Variants in ATL2 observed in about 807,000 individuals in gnomAD.
ATL2 encodes the protein atlastin GTPase 2.
In ATL2, 31 loss-of-function variants were observed where a neutral mutation model predicts 73.9. The ratio of observed to expected loss-of-function variants is 0.42; its 90% confidence interval spans 0.32 to 0.57. The LOEUF is 0.57. ATL2 is among the 20% of genes least tolerant of loss of function. The pLI is 0.14. For missense variants in ATL2, 738 were observed against 702.6 expected, an observed-to-expected ratio of 1.05 and a Z score of -0.57; for synonymous variants, 291 against 237.5, an observed-to-expected ratio of 1.23 and a Z score of -2.07.
chr2:38,333,961 G>C (rs1669149270), intron 2 of ATL2, among the ~76,000 whole-genome samples: 1 of 151,122 alleles, frequency 6.6e-6, no homozygotes, highest in Non-Finnish European at 1.5e-5. Context: ...CAAAATCAAA[G>C]TCTCAGCAGC....
intron 1 of ATL2, among the ~76,000 whole-genome samples, chr2:38,374,229 G>C (rs1280718690): frequency 6.6e-6 from 1 of 152,184 alleles, no homozygotes; most frequent in East Asian, 1.9e-4. Context: ...AAGCCCTCGA[G>C]TGTTGTGTAT....
intron 1 of ATL2, among the ~76,000 whole-genome samples, chr2:38,351,146 A>G (rs755398462): frequency 6.9e-6 from 1 of 144,928 alleles, no homozygotes; most frequent in Non-Finnish European, 1.5e-5. Flanking sequence ...TATTCAGTCT[A>G]CTTATAAAAA....
At chr2:38,369,891 C>T (rs182681726) in intron 1 of ATL2, among the ~76,000 whole-genome samples, 2 of 151,948 alleles carry the variant, frequency 1.3e-5, no homozygotes, top group Admixed American at 1.3e-4. Flanking sequence ...GTGGCTCACG[C>T]CAGTAATCCC....
chr2:38,301,886 C>T lies in ATL2; in HGVS notation c.1072-1558G>A, dbSNP rs372315038. Among the ~76,000 whole-genome samples the T allele has an allele frequency of 2.8e-4, 42 of 152,254 alleles. No individual in the cohort carries two copies. The East Asian group carries it at 6.2e-3, about 22-fold the overall frequency. On this transcript the variant is annotated intron_variant, in intron 9 of 12. Transcript: ENST00000378954. ...GACTGCTAGTGTCACTCCCCCTACACAAGCTCAGGCAGTGTAGTTCACAGC... is the reference window on the plus strand; with the variant it reads ...GACTGCTAGTGTCACTCCCCCTACATAAGCTCAGGCAGTGTAGTTCACAGC...
intron 1 of ATL2, among the ~76,000 whole-genome samples, 199 bp downstream of exon 1, chr2:38,376,944 G>C (rs1307886371): frequency 6.6e-6 from 1 of 151,008 alleles, no homozygotes; most frequent in Non-Finnish European, 1.5e-5. Flanking sequence ...CGCGGCCCAC[G>C]AGCCGCCCTT....
chr2:38,357,651 C>CA (rs1212548216), intron 1 of ATL2, among the ~76,000 whole-genome samples: 22,314 of 65,682 alleles, frequency 0.34, 3,780 homozygotes, highest in South Asian at 0.4. Context: ...GACTCCGTCT[C>CA]AAAAAAAAAA....
intron 9 of ATL2, among the ~76,000 whole-genome samples, chr2:38,306,390 C>T (rs1044284691): frequency 6.6e-6 from 1 of 152,176 alleles, no homozygotes; most frequent in Non-Finnish European, 1.5e-5. Context: ...ACCAATACTA[C>T]AAGGCCAGTA....
chr2:38,294,962 A>G lies in ATL2; in HGVS notation c.*1032T>C, dbSNP rs1233119418. On this transcript the variant is annotated 3_prime_UTR_variant, in exon 13 of 13. Transcript: ENST00000378954. ...ATAACTTTAAAATGCAACAGAGGAC[A>G]AAGTCACAATAAACATTCCCATTGA... 1.4e-5 allele frequency: 2 copies of G among 142,686 alleles called. No individual in the cohort carries two copies. The highest frequency in any genetic ancestry group is 5.1e-5 in the African/African-American group (2 of 39,228). 8.8% of individuals were successfully genotyped at this position (142,686 alleles called of 1,614,324 possible).
intron 1 of ATL2, among the ~76,000 whole-genome samples, chr2:38,346,007 A>AT (rs1445008166): frequency 1.3e-5 from 2 of 152,158 alleles, no homozygotes; most frequent in African/African-American, 4.8e-5. Flanking sequence ...AGAAGCTTTT[A>AT]TTTTCCCCTT....
upstream of ATL2, among the ~76,000 whole-genome samples, chr2:38,377,807 T>C (rs575365639): frequency 6.8e-6 from 1 of 146,606 alleles, no homozygotes; most frequent in Admixed American, 6.8e-5. Context: ...GTGCCCTGCT[T>C]TTCCTCTTGA....
At chr2:38,327,345 G>A (rs1668721273) in intron 2 of ATL2, among the ~76,000 whole-genome samples, 1 of 152,000 alleles carries the variant, frequency 6.6e-6, no homozygotes, top group African/African-American at 2.4e-5. Flanking sequence ...TAAGGTAACT[G>A]CACTATCCAT....
intron 1 of ATL2, among the ~76,000 whole-genome samples, chr2:38,368,643 A>G (rs546671468): frequency 6.6e-6 from 1 of 152,376 alleles, no homozygotes; most frequent in South Asian, 2.1e-4. Flanking sequence ...ATTTAAGAAA[A>G]ACATGAAAGA....
intron 1 of ATL2, 52 bp from the exon 2 acceptor site, chr2:38,343,564 T>G (rs1669854046): frequency 6.4e-7 from 1 of 1,552,514 alleles, no homozygotes; most frequent in Non-Finnish European, 8.8e-7. Flanking sequence ...TATTACGAAC[T>G]TTCATTAAGG....
chr2:38,304,044 A>C (rs912547877), intron 9 of ATL2, among the ~76,000 whole-genome samples: 2 of 152,166 alleles, frequency 1.3e-5, no homozygotes, highest in African/African-American at 4.8e-5. Context: ...TGGGAGGATC[A>C]CTTGAGGCCA....
chr2:38,296,530 C>T (rs1437401391), intron 12 of ATL2: 1 of 1,614,018 alleles, frequency 6.2e-7, no homozygotes, highest in East Asian at 2.2e-5. Flanking sequence ...TGTCGCTGTG[C>T]TGATGAAAGA....
At chr2:38,329,851 G>A (rs1668880368) in intron 2 of ATL2, among the ~76,000 whole-genome samples, 1 of 151,972 alleles carries the variant, frequency 6.6e-6, no homozygotes, top group South Asian at 2.1e-4. Flanking sequence ...AAAATCAGCT[G>A]GGCATGGTGG....
In ATL2 at chr2:38,313,235, C is replaced by T; in HGVS notation, c.720G>A (p.Met240Ile). ...GATAGCTCCAATCTCGAATCAAAAA[C>T]ATTAATGTCTATACACAGAAAAAAT... ...EIYQKPFQTL[M>I]FLIRDWSYPY... is the part of the protein sequence containing the mutation. The change falls in exon 7 of 13, where the codon ATG (methionine) becomes ATA (isoleucine). Residue 240 changes from methionine (M) to isoleucine (I), a missense_variant. Coordinates refer to ENST00000378954, the MANE Select transcript of ATL2 (RefSeq NM_001135673.4). The T allele has an allele frequency of 6.2e-7, 1 of 1,608,290 alleles. No homozygotes were observed. Among genetic ancestry groups the T allele is most frequent in the Non-Finnish European group, 8.5e-7 (1 of 1,176,746 alleles).
Position 38,330,617 on chromosome 2 carries a change from A to G in ATL2, c.364-11598T>C, listed in dbSNP as rs59548589. 7.7e-3 allele frequency among the ~76,000 whole-genome samples: 1,174 copies of G among 152,362 alleles called. 17 individuals carry two copies. The highest frequency in any genetic ancestry group is 0.057 in the East Asian group (297 of 5,188). On this transcript the variant is annotated intron_variant, in intron 2 of 12. Coordinates refer to ENST00000378954, the MANE Select transcript of ATL2 (RefSeq NM_001135673.4). The stretch of plus-strand genomic sequence containing the variant: ...ATATGAACTATACACTTGCATGAAC[A>G]ATTCAAAAATGAAATTAAGAAAGCA...
At chr2:38,324,757 G>C (rs1274537496) in intron 2 of ATL2, among the ~76,000 whole-genome samples, 1 of 152,218 alleles carries the variant, frequency 6.6e-6, no homozygotes, top group Non-Finnish European at 1.5e-5. Flanking sequence ...TGACCTTGAA[G>C]ACACTATGCT....
Sources: allele counts gnomAD v4.1 joint callset (sites outside exome capture counted in the v4.1 genomes callset), GRCh38; gene constraint gnomAD v4.1.1; transcripts MANE v1.5; gene names NCBI Gene and HGNC (gene_info 2026-07-23, HGNC 2026-07-21).